ITSN2: variants seen among roughly 807,000 people sequenced by gnomAD.
ITSN2 encodes intersectin 2, also known as intersectin-2.
In ITSN2, 156 loss-of-function variants were observed where a neutral mutation model predicts 243.7. The ratio of observed to expected loss-of-function variants is 0.64; its 90% CI spans 0.56 to 0.73. The LOEUF (loss-of-function observed/expected upper bound fraction) is 0.73, where lower values mean the gene tolerates loss of function less well. ITSN2 is among the 30% of genes least tolerant of loss of function. The pLI is 0.00. For synonymous variants in ITSN2, 703 were observed against 699.9 expected (o/e 1.00, Z -0.07); for missense variants, 1,801 against 1,996.1 (o/e 0.90, Z 1.86).
At chr2:24,317,385 CAAA>C (rs780304772) in intron 2 of ITSN2, among the ~76,000 whole-genome samples, 2 of 113,468 alleles carry the variant, frequency 1.8e-5, no homozygotes. Flanking sequence ...GACGCAATCT[CAAA>C]AAAAAAAAAA....
chr2:24,220,326 A>T, intron 30 of ITSN2: 1 of 985,392 alleles, frequency 1.0e-6, no homozygotes, highest in Non-Finnish European at 1.2e-6. Flanking sequence ...GTATAGTAGA[A>T]ATGGAAAGTC....
At position 24,275,750 on chromosome 2, in the gene ITSN2, G is replaced by T. The variant is rs777028668; in HGVS notation, c.2044C>A (p.Leu682Ile). 7.3e-5 allele frequency: 117 copies of T among 1,611,352 alleles called. No individual in the cohort carries two copies. The highest frequency in any genetic ancestry group is 9.6e-5 in the Non-Finnish European group (113 of 1,178,098). Residue 682 changes from leucine (L) to isoleucine (I), a missense_variant, in exon 18 of 40, where the codon CTA (leucine) becomes ATA (isoleucine). By Grantham distance (5) the Leu-to-Ile change is conservative. This residue lies in a region of ITSN2 where 787 missense variants were observed against 803.9 expected (regional missense o/e 0.98). Coordinates refer to ENST00000355123, the MANE Select transcript of ITSN2 (RefSeq NM_006277.3). ...LKEIERKRLELMQKKKLEDEA... is the reference protein window; with the variant it reads ...LKEIERKRLEIMQKKKLEDEA... ...TCTTCTAGTTTCTTTTTCTGCATTA[G>T]TTCTAATCTTTTCCTTTCAATTTCC...
At chr2:24,286,721 T>C (rs1431566335) in intron 15 of ITSN2, among the ~76,000 whole-genome samples, 1 of 152,186 alleles carries the variant, frequency 6.6e-6, no homozygotes, top group Non-Finnish European at 1.5e-5. Context: ...TGGTCCACAG[T>C]TAATACTCAA....
Position 24,279,053 on chromosome 2 carries a change from G to A in ITSN2, c.1945-3204C>T, listed in dbSNP as rs551466697. Among the ~76,000 whole-genome samples the A allele has an allele frequency of 2.0e-5, 3 of 152,212 alleles. No homozygotes were observed. The South Asian group carries it at 6.2e-4, about 32-fold the overall frequency. Reference sequence around the variant, plus strand: ...AGTTTTACTTTTAAAATCATAAATGGATATTAAATTTTATCAAAAACCTTT... The same window carrying A: ...AGTTTTACTTTTAAAATCATAAATGAATATTAAATTTTATCAAAAACCTTT... On this transcript the variant is annotated intron_variant, in intron 17 of 39. Transcript: ENST00000355123.
chr2:24,248,593 T>C (rs1381796491), intron 27 of ITSN2, 36 bp downstream of exon 27: 5 of 1,535,640 alleles, frequency 3.3e-6, no homozygotes, highest in Non-Finnish European at 3.5e-6. Context: ...AGTACTTTTA[T>C]AATAAAATTT....
chr2:24,254,320 A>T (rs1674743442), intron 24 of ITSN2, 47 bp downstream of exon 24: 1 of 1,232,718 alleles, frequency 8.1e-7, no homozygotes, highest in South Asian at 1.2e-5. Context: ...TAGTTAGTCA[A>T]GAGCTAAATT....
intron 1 of ITSN2, among the ~76,000 whole-genome samples, chr2:24,332,237 C>T (rs1221104603): frequency 5.3e-5 from 8 of 151,710 alleles, no homozygotes; most frequent in Admixed American, 1.3e-4. Context: ...GGCAAAACTC[C>T]GTCTCAAAAA....
rs920685605 is a variant in ITSN2, at chr2:24,225,894, G to A, written c.3578-4828C>T. Among the ~76,000 whole-genome samples, 11 of 152,232 alleles carry A rather than the reference G, an allele frequency of 7.2e-5. No individual in the cohort carries two copies. Among genetic ancestry groups the A allele is most frequent in the East Asian group, 1.9e-4 (1 of 5,184 alleles). ...AAAGTCCTGATGAACTGAGGAATTC[G>A]GGTTTTATGGATAGGATACACCCCT... is the stretch of plus-strand genomic sequence containing the variant. On this transcript the variant is annotated intron_variant, in intron 29 of 39. Coordinates refer to ENST00000355123, the MANE Select transcript of ITSN2 (RefSeq NM_006277.3). The surrounding 1 kb of genome is among the most constrained non-coding windows in gnomAD (Gnocchi z 4.2).
intron 17 of ITSN2, 73 bp from the exon 18 acceptor site, chr2:24,275,922 T>G: frequency 1.8e-6 from 2 of 1,107,694 alleles, no homozygotes; most frequent in Non-Finnish European, 2.5e-6. Flanking sequence ...AATGTGGCAT[T>G]TGCATTAAAA....
Position 24,301,670 on chromosome 2 carries a change from C to T in ITSN2, c.995+295G>A, listed in dbSNP as rs894215043. Among the ~76,000 whole-genome samples the T allele has an allele frequency of 4.0e-5, 6 of 151,880 alleles. 1 individual carries two copies. Among genetic ancestry groups the T allele is most frequent in the South Asian group, 4.2e-4 (2 of 4,816 alleles). On this transcript the variant is annotated intron_variant, in intron 10 of 39. Coordinates refer to ENST00000355123, the MANE Select transcript of ITSN2 (RefSeq NM_006277.3). ...CTTCCAGAGTACCTAGGACTACAGGCGCACACCACCACACCTGGCTAATTA... is the reference window on the plus strand; with the variant it reads ...CTTCCAGAGTACCTAGGACTACAGGTGCACACCACCACACCTGGCTAATTA...
chr2:24,306,748 G>A (rs1682591667), intron 8 of ITSN2, among the ~76,000 whole-genome samples: 1 of 151,936 alleles, frequency 6.6e-6, no homozygotes, highest in Non-Finnish European at 1.5e-5. Flanking sequence ...CAATCCTCTT[G>A]CCACATCCTC....
At chr2:24,205,111 C>T in intron 38 of ITSN2, 103 bp downstream of exon 38, 2 of 899,184 alleles carry the variant, frequency 2.2e-6, no homozygotes, top group East Asian at 5.1e-5. Context: ...CGTGCCACTG[C>T]ACTCCAGCCT....
intron 1 of ITSN2, among the ~76,000 whole-genome samples, chr2:24,336,194 A>G (rs1195155772): frequency 6.8e-6 from 1 of 147,714 alleles, no homozygotes; most frequent in Non-Finnish European, 1.5e-5. Context: ...GTGAGCCGAG[A>G]TGGAGCCACT....
intron 18 of ITSN2, among the ~76,000 whole-genome samples, chr2:24,272,900 T>C (rs1677543836): frequency 6.6e-6 from 1 of 152,202 alleles, no homozygotes; most frequent in African/African-American, 2.4e-5. Flanking sequence ...TATTTTAGTA[T>C]TAGAACTCAT....
chr2:24,225,382 G>A lies in ITSN2; in HGVS notation c.3578-4316C>T, dbSNP rs568513387. ...AGCTTTCCCTGTCACATCTCCACTC[G>A]GGATTCTGGTTTCTGCCCCACTGCC... On this transcript the variant is annotated intron_variant, in intron 29 of 39. Transcript: ENST00000355123. The surrounding 1 kb of genome is among the most constrained non-coding windows in gnomAD (Gnocchi z 4.2). Among the ~76,000 whole-genome samples the A allele has an allele frequency of 1.3e-5, 2 of 152,090 alleles. No homozygotes were observed. The highest frequency in any genetic ancestry group is 2.4e-5 in the African/African-American group (1 of 41,416).
intron 1 of ITSN2, among the ~76,000 whole-genome samples, chr2:24,351,826 T>C (rs1379798382): frequency 6.6e-6 from 1 of 152,144 alleles, no homozygotes; most frequent in Non-Finnish European, 1.5e-5. Flanking sequence ...AAGTAACCCT[T>C]ATTTTACTTA....
chr2:24,208,120 C>T (rs372592163), intron 37 of ITSN2, 117 bp downstream of exon 37: 23 of 883,450 alleles, frequency 2.6e-5, no homozygotes, highest in African/African-American at 1.2e-4. Context: ...GGTCTGATCC[C>T]GCAGCAGGTC....
At chr2:24,346,839 T>C (rs1244915240) in intron 1 of ITSN2, among the ~76,000 whole-genome samples, 1 of 150,724 alleles carries the variant, frequency 6.6e-6, no homozygotes, top group African/African-American at 2.4e-5. Context: ...AAATACCCAC[T>C]TGATCCACAT....
intron 20 of ITSN2, among the ~76,000 whole-genome samples, chr2:24,265,505 C>T (rs1401077412): frequency 6.6e-6 from 1 of 152,140 alleles, no homozygotes; most frequent in Admixed American, 6.5e-5. Context: ...TTCTATGGGA[C>T]TTTTTACATA....
Sources: allele counts gnomAD v4.1 joint callset (sites outside exome capture counted in the v4.1 genomes callset), GRCh38; gene constraint gnomAD v4.1.1; regional missense constraint gnomAD v4.1.1; non-coding constraint Gnocchi (gnomAD v3.1); transcripts MANE v1.5; gene names NCBI Gene and HGNC (gene_info 2026-07-23, HGNC 2026-07-21).